The following TLL2 variants were observed in gnomAD, a reference collection of about 807,000 sequenced individuals.
TLL2 encodes the protein tolloid like 2, also known as tolloid-like protein 2.
Under a neutral mutation model 123.0 loss-of-function variants are expected in TLL2, and 106 were observed. That is an observed-to-expected ratio of 0.86 (90% CI 0.74 to 1.01). The LOEUF is 1.01. Ranked by LOEUF, TLL2 falls within the 50% of genes least tolerant of loss-of-function variation. The pLI is 0.00. For missense variants in TLL2, 1,332 were observed against 1,336.7 expected (o/e 1.00, Z 0.06); for synonymous variants, 494 against 516.8 (o/e 0.96, Z 0.60).
chr10:96,414,597 C>A (rs147296539), intron 7 of TLL2, among the ~76,000 whole-genome samples: 86 of 152,316 alleles, frequency 5.6e-4, no homozygotes, highest in African/African-American at 1.9e-3. Context: ...TCTGCTCCTA[C>A]GGCTTTTAAC....
chr10:96,379,247 G>C (rs554136503), intron 16 of TLL2, among the ~76,000 whole-genome samples, 155 bp from the exon 17 acceptor site: 1 of 152,234 alleles, frequency 6.6e-6, no homozygotes, highest in East Asian at 1.9e-4. Context: ...AGTGAAGTGG[G>C]AAGCATCTTC....
intron 3 of TLL2, among the ~76,000 whole-genome samples, chr10:96,445,106 G>A (rs949175833): frequency 1.3e-5 from 2 of 152,296 alleles, no homozygotes; most frequent in Middle Eastern, 3.4e-3. Flanking sequence ...GGAGAATGGC[G>A]TGAACCCAGG....
At chr10:96,486,075 C>T (rs1053397716) in intron 1 of TLL2, among the ~76,000 whole-genome samples, 3 of 152,146 alleles carry the variant, frequency 2.0e-5, no homozygotes, top group East Asian at 3.9e-4. Flanking sequence ...CTCACATGTT[C>T]CTGAATCATT....
chr10:96,512,755 C>A (rs1406940887), intron 1 of TLL2, among the ~76,000 whole-genome samples: 1 of 152,248 alleles, frequency 6.6e-6, no homozygotes, highest in Non-Finnish European at 1.5e-5. Context: ...AACGCTTCAA[C>A]GACTCCAGCT....
At chr10:96,398,051 G>C (rs923242328) in intron 10 of TLL2, among the ~76,000 whole-genome samples, 2 of 152,186 alleles carry the variant, frequency 1.3e-5, no homozygotes, top group Non-Finnish European at 2.9e-5. Flanking sequence ...CACCCGCCAA[G>C]GTCAGCATAG....
At chr10:96,384,060 T>C (rs1846208537) in intron 16 of TLL2, among the ~76,000 whole-genome samples, 2 of 152,298 alleles carry the variant, frequency 1.3e-5, no homozygotes, top group Non-Finnish European at 1.5e-5. Flanking sequence ...TTAAGAATCT[T>C]GAGATGAAAT....
At chr10:96,415,818 AATACCT>A (rs1192075828) in intron 7 of TLL2, among the ~76,000 whole-genome samples, 1 of 74,180 alleles carries the variant, frequency 1.3e-5, no homozygotes, top group Non-Finnish European at 2.9e-5. Context: ...TACATTAGAA[AATACCT>A]ATTACCCCTG....
chr10:96,365,494 C>T lies in TLL2; in HGVS notation c.*2594G>A, dbSNP rs551476466. ...TAGCCTGTTGTCCTAAGACAATTCT[C>T]TGAACTAAAACTATTCTTGCAACTC... On this transcript the variant is annotated 3_prime_UTR_variant, in exon 21 of 21. Coordinates refer to ENST00000357947, the MANE Select transcript of TLL2 (RefSeq NM_012465.4). The T allele has an allele frequency of 2.0e-5, 3 of 152,372 alleles. No homozygotes were observed. In the South Asian group the frequency reaches 6.2e-4, roughly 32 times the overall value. 9.4% of individuals were successfully genotyped at this position (152,372 alleles called of 1,614,324 possible).
Position 96,368,279 on chromosome 10 carries a change from T to C in TLL2, c.2914-57A>G, listed in dbSNP as rs770443256. On this transcript the variant is annotated intron_variant, in intron 20 of 20. Coordinates refer to ENST00000357947, the MANE Select transcript of TLL2 (RefSeq NM_012465.4). ...CTTTAGCTGTGATTGGAGTTGAAAA[T>C]GAGGAGGATGGGACAGGATCTTATG... 4.4e-6 allele frequency: 7 copies of C among 1,595,618 alleles called. No individual in the cohort carries two copies. In the Admixed American group the frequency reaches 8.4e-5, roughly 19 times the overall value.
intron 10 of TLL2, among the ~76,000 whole-genome samples, chr10:96,402,627 C>T (rs1339789947): frequency 5.3e-5 from 8 of 152,208 alleles, no homozygotes; most frequent in South Asian, 2.1e-4. Context: ...CACTGTGGGG[C>T]GGACTCCACT....
chr10:96,422,964 C>T (rs1846640668), intron 5 of TLL2, among the ~76,000 whole-genome samples: 1 of 152,006 alleles, frequency 6.6e-6, no homozygotes, highest in Non-Finnish European at 1.5e-5. Flanking sequence ...CCTGTCTCTA[C>T]TGAAAATATA....
intron 2 of TLL2, among the ~76,000 whole-genome samples, chr10:96,446,719 T>C (rs538774623): frequency 2.6e-4 from 39 of 152,328 alleles, no homozygotes; most frequent in African/African-American, 7.2e-4. Context: ...TTAGACTCCA[T>C]AGACACTCTG....
intron 6 of TLL2, 61 bp from the exon 7 acceptor site, chr10:96,421,122 G>A: frequency 7.4e-7 from 1 of 1,351,446 alleles, no homozygotes; most frequent in Non-Finnish European, 1.1e-6. Flanking sequence ...AAAGGAGGCA[G>A]AGGAAGGAGA....
rs1185429874 is a variant in TLL2 at position 96,365,171 on chromosome 10, C to G, written c.*2917G>C. 1.3e-5 allele frequency: 2 copies of G among 151,970 alleles called. No individual in the cohort carries two copies. The highest frequency in any genetic ancestry group is 4.8e-5 in the African/African-American group (2 of 41,378). 9.4% of individuals were successfully genotyped at this position (151,970 alleles called of 1,614,324 possible). The stretch of plus-strand genomic sequence containing the variant: ...AAAAAGTTTACGAATTTGTGTCGGG[C>G]CATATTCAAAGCCGTCCTGGGCCAA... On this transcript the variant is annotated 3_prime_UTR_variant, in exon 21 of 21. Transcript: ENST00000357947.
At chr10:96,466,294 G>A (rs147093405) in intron 2 of TLL2, among the ~76,000 whole-genome samples, 74 of 152,284 alleles carry the variant, frequency 4.9e-4, no homozygotes, top group African/African-American at 1.7e-3. Context: ...AGAGAAATAG[G>A]ATGACCAGAA....
intron 1 of TLL2, among the ~76,000 whole-genome samples, chr10:96,509,759 A>G (rs1214186144): frequency 6.6e-6 from 1 of 152,236 alleles, no homozygotes; most frequent in African/African-American, 2.4e-5. Flanking sequence ...CATCCAGGAT[A>G]ACACGGTGAA....
At chr10:96,496,662 C>A (rs1847478920) in intron 1 of TLL2, among the ~76,000 whole-genome samples, 1 of 152,224 alleles carries the variant, frequency 6.6e-6, no homozygotes, top group African/African-American at 2.4e-5. Flanking sequence ...AATGTCACAG[C>A]TTGGCTTTCC....
intron 1 of TLL2, among the ~76,000 whole-genome samples, chr10:96,492,874 T>G (rs1847429029): frequency 6.6e-6 from 1 of 152,224 alleles, no homozygotes; most frequent in Admixed American, 6.5e-5. Flanking sequence ...ACTGTTGCAC[T>G]GCTCCACAGT....
At chr10:96,391,244 T>C (rs1846284736) in intron 13 of TLL2, among the ~76,000 whole-genome samples, 1 of 152,166 alleles carries the variant, frequency 6.6e-6, no homozygotes, top group Non-Finnish European at 1.5e-5. Context: ...TCACTAGGTA[T>C]TTACTGAGCC....
Sources: allele counts gnomAD v4.1 joint callset (sites outside exome capture counted in the v4.1 genomes callset), GRCh38; gene constraint gnomAD v4.1.1; transcripts MANE v1.5; gene names NCBI Gene and HGNC (gene_info 2026-07-23, HGNC 2026-07-21).